The following BAIAP2 variants were observed in gnomAD, a reference collection of about 807,000 sequenced individuals.
BAIAP2 encodes BAR/IMD domain-containing adapter protein 2.
Under a neutral mutation model 63.0 loss-of-function variants are expected in BAIAP2, and 18 were observed. That is an observed-to-expected ratio of 0.29 (90% confidence interval 0.20 to 0.42). The LOEUF (loss-of-function observed/expected upper bound fraction) is 0.42, where lower values mean the gene tolerates loss of function less well. BAIAP2 is among the 10% of genes least tolerant of loss of function. The pLI is 1.00. For synonymous variants in BAIAP2, 386 were observed against 307.6 expected (o/e 1.25, Z -2.67); for missense variants, 610 against 734.3 (o/e 0.83, Z 1.96).
At chr17:81,071,963 C>T (rs1168927524) in intron 3 of BAIAP2, among the ~76,000 whole-genome samples, 1 of 152,254 alleles carries the variant, frequency 6.6e-6, no homozygotes, top group African/African-American at 2.4e-5. Context: ...TGCCTCTCCT[C>T]TCGTCCGTGA....
chr17:81,070,871 G>A (rs2052505029), intron 3 of BAIAP2, among the ~76,000 whole-genome samples: 1 of 152,198 alleles, frequency 6.6e-6, no homozygotes, highest in South Asian at 2.1e-4. Context: ...TGCGTTGCTG[G>A]TCCAGGGCCC....
At chr17:81,058,150 G>T (rs2144331384) in intron 3 of BAIAP2, among the ~76,000 whole-genome samples, 183 bp downstream of exon 3, 1 of 152,336 alleles carries the variant, frequency 6.6e-6, no homozygotes, top group African/African-American at 2.4e-5. Context: ...GAAAGTGGGT[G>T]CTGGGTCCCC....
At position 81,084,812 on chromosome 17, in the gene BAIAP2, TCTG is replaced by T; in HGVS notation, c.218-16_218-14del. 1 of 1,612,820 alleles carries T rather than the reference TCTG, an allele frequency of 6.2e-7. No homozygotes were observed. Among genetic ancestry groups the T allele is most frequent in the Non-Finnish European group, 8.5e-7 (1 of 1,179,708 alleles). ...GAGCACCTGACTCCCTCCCCTTCCT[TCTG>T]CTGTTCTGCTTCCCAGGAGACGTTC... On this transcript the variant is annotated splice_polypyrimidine_tract_variant and intron_variant, in intron 3 of 13. Coordinates refer to ENST00000428708, the MANE Select transcript of BAIAP2 (RefSeq NM_001144888.2).
At chr17:81,105,331 T>A (rs1598809975) in intron 10 of BAIAP2, 1 of 154,338 alleles carries the variant, frequency 6.5e-6, no homozygotes, top group Non-Finnish European at 1.4e-5. Flanking sequence ...GTGTACACAC[T>A]CAGCACGTCC....
intron 1 of BAIAP2, among the ~76,000 whole-genome samples, chr17:81,042,276 A>G (rs566732953): frequency 6.6e-6 from 1 of 151,354 alleles, no homozygotes; most frequent in South Asian, 2.1e-4. Context: ...CTGAGTAGCT[A>G]GGACCACAGG....
At chr17:81,084,438 G>T (rs1300670605) in intron 3 of BAIAP2, among the ~76,000 whole-genome samples, 1 of 152,154 alleles carries the variant, frequency 6.6e-6, no homozygotes, top group Admixed American at 6.5e-5. Flanking sequence ...TGTCCACCTG[G>T]CCTGAGGTAG....
intron 6 of BAIAP2, among the ~76,000 whole-genome samples, chr17:81,095,012 GGA>G (rs1344761902): frequency 2.0e-5 from 3 of 152,344 alleles, no homozygotes; most frequent in Middle Eastern, 3.4e-3. Flanking sequence ...CGCATGCTGC[GGA>G]GAGGAGAGAT....
intron 3 of BAIAP2, among the ~76,000 whole-genome samples, chr17:81,061,908 G>A (rs9901648): frequency 0.4 from 61,541 of 151,960 alleles, 12,907 homozygotes; most frequent in East Asian, 0.67. Flanking sequence ...GCACATATTT[G>A]CTTTCAGTCT....
chr17:81,068,202 C>T (rs1461962660), intron 3 of BAIAP2, among the ~76,000 whole-genome samples: 2 of 152,236 alleles, frequency 1.3e-5, no homozygotes, highest in Non-Finnish European at 2.9e-5. Flanking sequence ...GCCTCTGCTC[C>T]TGTTTGCATC....
At chr17:81,047,544 G>A (rs1288825872) in intron 1 of BAIAP2, among the ~76,000 whole-genome samples, 9 of 151,990 alleles carry the variant, frequency 5.9e-5, no homozygotes, top group African/African-American at 2.4e-5. Context: ...AGGTAAACAC[G>A]TTCATGCCCA....
chr17:81,075,406 G>A (rs1210773790), intron 3 of BAIAP2, among the ~76,000 whole-genome samples: 3 of 152,318 alleles, frequency 2.0e-5, no homozygotes, highest in East Asian at 3.9e-4. Context: ...TCTTTGAATC[G>A]TGTGAAGCGA....
chr17:81,069,675 C>T lies in BAIAP2; in HGVS notation c.217+11708C>T, dbSNP rs1302865657. On this transcript the variant is annotated intron_variant, in intron 3 of 13. Coordinates refer to ENST00000428708, the MANE Select transcript of BAIAP2 (RefSeq NM_001144888.2). ...GGGCGTGGTTCTCCATCCATGGCAG[C>T]TCCCTCTGCCCACTCGGGGGACTCT... 3.3e-5 allele frequency among the ~76,000 whole-genome samples: 5 copies of T among 152,344 alleles called. No homozygotes were observed. In the East Asian group the frequency reaches 9.7e-4, roughly 29 times the overall value.
chr17:81,048,625 C>T (rs938910744), intron 1 of BAIAP2, among the ~76,000 whole-genome samples: 30 of 152,282 alleles, frequency 2.0e-4, no homozygotes, highest in African/African-American at 7.2e-4. Flanking sequence ...TCCAGCAGCT[C>T]GCCAGCCAAA....
At chr17:81,103,464 C>T (rs1021269875) in intron 7 of BAIAP2, 38 bp from the exon 8 acceptor site, 13 of 1,524,496 alleles carry the variant, frequency 8.5e-6, no homozygotes, top group East Asian at 2.4e-5. Flanking sequence ...GAGACTGAGC[C>T]GGCCCTGACC....
intron 1 of BAIAP2, among the ~76,000 whole-genome samples, chr17:81,047,203 T>G (rs149917461): frequency 5.9e-5 from 9 of 151,996 alleles, no homozygotes; most frequent in Middle Eastern, 3.4e-3. Flanking sequence ...CCAGGACCAA[T>G]TGGGAGAGAG....
chr17:81,074,446 A>G (rs1461033099), intron 3 of BAIAP2, among the ~76,000 whole-genome samples: 5 of 146,000 alleles, frequency 3.4e-5, no homozygotes, highest in African/African-American at 1.0e-4. Context: ...GCACAAATAC[A>G]TGTGAGTGCC....
chr17:81,095,747 TTC>T (rs1464380815), intron 6 of BAIAP2, among the ~76,000 whole-genome samples: 1 of 152,140 alleles, frequency 6.6e-6, no homozygotes, highest in Non-Finnish European at 1.5e-5. Flanking sequence ...CAGCCGTACT[TTC>T]TGTCTCTCCC....
chr17:81,099,738 G>A (rs1287402620), intron 6 of BAIAP2, among the ~76,000 whole-genome samples, 190 bp from the exon 7 acceptor site: 1 of 152,196 alleles, frequency 6.6e-6, no homozygotes, highest in Non-Finnish European at 1.5e-5. Flanking sequence ...CATCTCCTGA[G>A]TGGTCCCGGG....
intron 1 of BAIAP2, among the ~76,000 whole-genome samples, chr17:81,044,452 T>G (rs758721754): frequency 6.6e-6 from 1 of 152,246 alleles, no homozygotes; most frequent in Admixed American, 6.5e-5. Flanking sequence ...GCCCTCTTTC[T>G]TGTAAGGCGC....
Sources: gnomAD v4.1 joint callset for allele counts (sites outside exome capture counted in the v4.1 genomes callset) on GRCh38, gnomAD v4.1.1 for gene constraint, MANE v1.5 for transcripts, NCBI Gene and HGNC (gene_info 2026-07-23, HGNC 2026-07-21) for gene names.